The following TRPC6 variants were observed in gnomAD, a reference collection of about 807,000 sequenced individuals.
TRPC6 encodes the protein transient receptor potential cation channel subfamily C member 6.
Under a neutral mutation model 90.7 loss-of-function variants are expected in TRPC6, and 55 were observed. That is an observed-to-expected ratio of 0.61 (90% CI 0.49 to 0.76). The LOEUF (loss-of-function observed/expected upper bound fraction) is 0.76, where lower values mean the gene tolerates loss of function less well. TRPC6 is among the 30% of genes least tolerant of loss of function. TRPC6 has a pLI of 0.00. For synonymous variants in TRPC6, 393 were observed against 393.0 expected (o/e 1.00, Z 0.00); for missense variants, 989 against 1,122.7 (o/e 0.88, Z 1.70).
chr11:101,491,762 A>G (rs747140668), intron 2 of TRPC6, 24 bp from the exon 3 acceptor site: 1 of 1,610,804 alleles, frequency 6.2e-7, no homozygotes, highest in African/African-American at 1.3e-5. Context: ...AGCAAAACAA[A>G]AGCAATAATG....
chr11:101,522,996 T>A (rs1174203229), intron 1 of TRPC6, among the ~76,000 whole-genome samples: 2 of 152,174 alleles, frequency 1.3e-5, no homozygotes, highest in Non-Finnish European at 2.9e-5. Context: ...AGGATTATAG[T>A]ATATTGTGGA....
intron 5 of TRPC6, among the ~76,000 whole-genome samples, chr11:101,478,047 C>A (rs1859455232): frequency 6.6e-6 from 1 of 152,162 alleles, no homozygotes. Flanking sequence ...TGAAAATAAT[C>A]TTCTCCTCTT....
At chr11:101,558,219 A>ATATG (rs1861609793) in intron 1 of TRPC6, among the ~76,000 whole-genome samples, 11 of 109,066 alleles carry the variant, frequency 1.0e-4, no homozygotes, top group African/African-American at 4.2e-4. Flanking sequence ...ACATGTATAT[A>ATATG]TGTATACATG....
At chr11:101,514,330 GA>G (rs1860467474) in intron 1 of TRPC6, among the ~76,000 whole-genome samples, 1 of 152,210 alleles carries the variant, frequency 6.6e-6, no homozygotes, top group Non-Finnish European at 1.5e-5. Flanking sequence ...TACCAAAAAG[GA>G]AGTAGTGTGG....
chr11:101,519,765 C>G (rs73571982), intron 1 of TRPC6: 2,643 of 154,370 alleles, frequency 0.017, 69 homozygotes, highest in African/African-American at 0.057. Context: ...GTCCAGGCAT[C>G]TAGATACTAG....
chr11:101,455,061 T>C lies in TRPC6; in HGVS notation c.2525A>G (p.Asp842Gly). ...NKQPSIRSSE[D>G]FHLNSFNNPP... ...ATTATTGAAACTATTTAGATGGAAA[T>C]CTTCTGAGCTCCTTATACTTGGTTG... The change falls in exon 11 of 13, where the codon GAT (aspartate) becomes GGT (glycine). Residue 842 changes from aspartate (D) to glycine (G), a missense_variant. Transcript: ENST00000344327. 1.2e-6 allele frequency: 2 copies of C among 1,612,658 alleles called. No individual in the cohort carries two copies. The highest frequency in any genetic ancestry group is 1.7e-6 in the Non-Finnish European group (2 of 1,179,094).
At chr11:101,542,596 A>G (rs2136822162) in intron 1 of TRPC6, among the ~76,000 whole-genome samples, 1 of 151,064 alleles carries the variant, frequency 6.6e-6, no homozygotes, top group South Asian at 2.1e-4. Context: ...TGAATCCTAA[A>G]AAGCTACAGC....
intron 1 of TRPC6, among the ~76,000 whole-genome samples, chr11:101,526,382 G>A (rs938439712): frequency 1.3e-5 from 2 of 152,076 alleles, no homozygotes; most frequent in Non-Finnish European, 2.9e-5. Flanking sequence ...TAAGATACAT[G>A]CTTTGAACTT....
At chr11:101,525,349 C>T (rs770407022) in intron 1 of TRPC6, among the ~76,000 whole-genome samples, 1 of 152,172 alleles carries the variant, frequency 6.6e-6, no homozygotes, top group Non-Finnish European at 1.5e-5. Context: ...TAAATACCAA[C>T]TGTGTGGTTT....
At chr11:101,472,371 G>C (rs755787867) in intron 7 of TRPC6, 39 bp from the exon 8 acceptor site, 35 of 1,565,994 alleles carry the variant, frequency 2.2e-5, no homozygotes, top group Non-Finnish European at 3.1e-5. Flanking sequence ...ATAAGAAAGT[G>C]TATAAATAAA....
At chr11:101,487,642 A>C (rs1339651775) in intron 4 of TRPC6, among the ~76,000 whole-genome samples, 3 of 151,922 alleles carry the variant, frequency 2.0e-5, no homozygotes, top group Non-Finnish European at 4.4e-5. Flanking sequence ...AAGGGAAAAA[A>C]AGTCAATTTT....
chr11:101,535,546 T>C lies in TRPC6; in HGVS notation c.171-30748A>G, dbSNP rs559834260. On this transcript the variant is annotated intron_variant, in intron 1 of 12. Transcript: ENST00000344327. ...TCTGAACCTTTATGTTCACCTCAAA[T>C]ATAGAACATACAGAAAACTGGGCTG... Among the ~76,000 whole-genome samples, 10 of 152,270 alleles carry C rather than the reference T, an allele frequency of 6.6e-5. No individual in the cohort carries two copies. In the South Asian group the frequency reaches 2.1e-3, roughly 32 times the overall value.
At chr11:101,472,712 A>G (rs1453733365) in intron 7 of TRPC6, among the ~76,000 whole-genome samples, 1 of 152,148 alleles carries the variant, frequency 6.6e-6, no homozygotes, top group Non-Finnish European at 1.5e-5. Flanking sequence ...TAATAATCAT[A>G]TACATCTTAA....
intron 1 of TRPC6, among the ~76,000 whole-genome samples, chr11:101,582,555 C>T (rs1591155805): frequency 1.1e-5 from 1 of 90,700 alleles, no homozygotes; most frequent in African/African-American, 3.9e-5. Context: ...CTCCCGCCAC[C>T]CACCCAGCTA....
intron 10 of TRPC6, among the ~76,000 whole-genome samples, chr11:101,462,219 T>C (rs1433913591): frequency 1.3e-5 from 2 of 152,214 alleles, no homozygotes; most frequent in African/African-American, 2.4e-5. Flanking sequence ...ACTGTAGCCT[T>C]GTAGTATAGT....
chr11:101,500,659 T>C (rs933490842), intron 2 of TRPC6, among the ~76,000 whole-genome samples: 1 of 152,108 alleles, frequency 6.6e-6, no homozygotes, highest in African/African-American at 2.4e-5. Context: ...ATTTCATATA[T>C]ATGTGTGTGT....
intron 1 of TRPC6, among the ~76,000 whole-genome samples, chr11:101,582,046 T>C (rs1243762571): frequency 2.0e-5 from 3 of 152,224 alleles, no homozygotes; most frequent in African/African-American, 2.4e-5. Flanking sequence ...ATATTAAAAA[T>C]AGTGCATTGT....
chr11:101,582,301 T>C (rs1862214505), intron 1 of TRPC6, among the ~76,000 whole-genome samples: 1 of 152,068 alleles, frequency 6.6e-6, no homozygotes, highest in Non-Finnish European at 1.5e-5. Flanking sequence ...CACCCATCTA[T>C]CAGGAGGGTC....
chr11:101,491,337 G>A, intron 3 of TRPC6: 1 of 429,544 alleles, frequency 2.3e-6, no homozygotes, highest in Non-Finnish European at 4.2e-6. Flanking sequence ...GGGAGGCTGA[G>A]GCAGGAGAAT....
Sources: gnomAD v4.1 joint callset for allele counts (sites outside exome capture counted in the v4.1 genomes callset) on GRCh38, gnomAD v4.1.1 for gene constraint, MANE v1.5 for transcripts, NCBI Gene and HGNC (gene_info 2026-07-23, HGNC 2026-07-21) for gene names.